The following THEMIS variants were observed in gnomAD, a reference collection of about 807,000 sequenced individuals.
THEMIS encodes the protein thymocyte selection associated.
THEMIS carries 37 observed loss-of-function variants against 52.6 expected under a neutral mutation model. The ratio of observed to expected loss-of-function variants is 0.70; its 90% CI spans 0.54 to 0.93. The LOEUF is 0.93. Ranked by LOEUF, THEMIS falls within the 40% of genes least tolerant of loss-of-function variation. THEMIS has a pLI of 0.00. For missense variants in THEMIS, 808 were observed against 763.1 expected (o/e 1.06, Z -0.69); for synonymous variants, 292 against 272.7 (o/e 1.07, Z -0.70).
At chr6:127,838,888 G>A (rs1778955924) in intron 2 of THEMIS, among the ~76,000 whole-genome samples, 2 of 152,020 alleles carry the variant, frequency 1.3e-5, no homozygotes, top group South Asian at 4.1e-4. Flanking sequence ...TTGCTGTGAC[G>A]CTTCTATAAC....
intron 4 of THEMIS, among the ~76,000 whole-genome samples, chr6:127,756,822 G>A (rs892139862): frequency 6.6e-6 from 1 of 151,736 alleles, no homozygotes. Context: ...AATTAATCTG[G>A]GATTGTTTTT....
intron 4 of THEMIS, among the ~76,000 whole-genome samples, chr6:127,724,744 G>C (rs182537684): frequency 3.3e-5 from 5 of 151,928 alleles, no homozygotes; most frequent in African/African-American, 2.4e-5. Context: ...TAATGTTCCT[G>C]CTAAAGGTAA....
intron 1 of THEMIS, among the ~76,000 whole-genome samples, chr6:127,881,201 A>G (rs1030411469): frequency 1.2e-4 from 18 of 152,116 alleles, no homozygotes; most frequent in African/African-American, 4.3e-4. Flanking sequence ...CCATAAAACT[A>G]CTAATCTTAA....
rs1441762110 is a variant in THEMIS, at chr6:127,813,635, T to C, written c.1006A>G (p.Thr336Ala). The C allele has an allele frequency of 6.2e-7, 1 of 1,614,084 alleles. No individual in the cohort carries two copies. The highest frequency in any genetic ancestry group is 8.5e-7 in the Non-Finnish European group (1 of 1,179,992). The change falls in exon 4 of 6, where the codon ACT (threonine) becomes GCT (alanine). Residue 336 changes from threonine to alanine, a missense_variant. By Grantham distance (58) the Thr-to-Ala change is moderately conservative. Transcript: ENST00000368248. ...CGCTTGAACTTGCCTTTATAGCTAG[T>C]GGGGATCAAGAAGTGTCTTTTAGGA... ...NFPKRHFLIP[T>A]SYKGKFKRRP...
Position 127,730,303 on chromosome 6 carries a change from AAAGAAAAGAAAAGAG to A in THEMIS, c.1759-10495_1759-10481del, listed in dbSNP as rs1397747411. Among the ~76,000 whole-genome samples the A allele has an allele frequency of 3.2e-4, 46 of 144,730 alleles. 2 individuals are homozygous for A. The East Asian group carries it at 4.7e-3, about 15-fold the overall frequency. 94.9% of individuals were successfully genotyped at this position (144,730 alleles called of 152,430 possible). A position where few individuals can be genotyped will look rare whatever the true frequency, so the allele number is the denominator to read the frequency against. Reference sequence around the variant, plus strand: ...AAAGAAAAGAAAAGAAAAGAAAAGAAAAGAAAAGAAAAGAGAAAAAAAGAAAAGAAAAGAAAAGAA... The same window carrying A: ...AAAGAAAAGAAAAGAAAAGAAAAGAAAAAAAAAGAAAAGAAAAGAAAAGAA... On this transcript the variant is annotated intron_variant, in intron 4 of 5. Transcript: ENST00000368248.
At chr6:127,793,315 G>C (rs1214791351) in intron 4 of THEMIS, among the ~76,000 whole-genome samples, 1 of 152,186 alleles carries the variant, frequency 6.6e-6, no homozygotes, top group Non-Finnish European at 1.5e-5. Context: ...TAAAAAGCTG[G>C]TGGGGAACCT....
chr6:127,908,994 A>G (rs1781345839), intron 1 of THEMIS, among the ~76,000 whole-genome samples: 1 of 151,876 alleles, frequency 6.6e-6, no homozygotes, highest in Non-Finnish European at 1.5e-5. Context: ...CCAATTGCTT[A>G]CAAAAAATCA....
chr6:127,735,323 G>A (rs1353212015), intron 4 of THEMIS, among the ~76,000 whole-genome samples: 1 of 151,872 alleles, frequency 6.6e-6, no homozygotes, highest in African/African-American at 2.4e-5. Flanking sequence ...GTGTGCGTGT[G>A]TGTGTGTGTG....
intron 3 of THEMIS, among the ~76,000 whole-genome samples, chr6:127,817,336 GA>G (rs1013383699): frequency 7.9e-5 from 12 of 151,722 alleles, no homozygotes; most frequent in Admixed American, 4.6e-4. Flanking sequence ...AATTTCACTG[GA>G]AAAAAAAGTT....
chr6:127,886,483 G>A (rs996404986), intron 1 of THEMIS, among the ~76,000 whole-genome samples: 2 of 152,064 alleles, frequency 1.3e-5, no homozygotes, highest in African/African-American at 4.8e-5. Context: ...GGAACATTGG[G>A]CCATACCAGA....
intron 2 of THEMIS, among the ~76,000 whole-genome samples, chr6:127,848,257 T>C (rs1779291674): frequency 6.6e-6 from 1 of 151,942 alleles, no homozygotes; most frequent in Non-Finnish European, 1.5e-5. Context: ...CATGAACTCA[T>C]CATTTTTTAT....
chr6:127,841,959 G>C (rs1049466837), intron 2 of THEMIS, among the ~76,000 whole-genome samples: 1 of 151,914 alleles, frequency 6.6e-6, no homozygotes, highest in Non-Finnish European at 1.5e-5. Context: ...TGATTCCTTG[G>C]ATAGCGAATT....
intron 3 of THEMIS, among the ~76,000 whole-genome samples, chr6:127,824,501 A>C (rs1023209009): frequency 1.3e-5 from 2 of 152,082 alleles, no homozygotes; most frequent in African/African-American, 4.8e-5. Context: ...TTACTTGTAC[A>C]TTTTTGTTTC....
chr6:127,866,738 A>G (rs1333767285), intron 1 of THEMIS, among the ~76,000 whole-genome samples: 2 of 151,872 alleles, frequency 1.3e-5, no homozygotes, highest in African/African-American at 4.8e-5. Flanking sequence ...TATCCATTTC[A>G]GAGCACAAAA....
downstream of THEMIS, among the ~76,000 whole-genome samples, chr6:127,703,249 G>A (rs1012556634): frequency 9.9e-5 from 15 of 151,204 alleles, no homozygotes; most frequent in East Asian, 3.9e-4. Context: ...GGGTTTCACC[G>A]TTTTAGCCGG....
chr6:127,892,657 C>CT (rs1342734530), intron 1 of THEMIS, among the ~76,000 whole-genome samples: 1 of 151,962 alleles, frequency 6.6e-6, no homozygotes, highest in African/African-American at 2.4e-5. Flanking sequence ...CATTATTTTG[C>CT]TTTTTGTAAT....
chr6:127,809,273 C>T (rs1777820855), intron 4 of THEMIS, among the ~76,000 whole-genome samples: 1 of 151,962 alleles, frequency 6.6e-6, no homozygotes, highest in African/African-American at 2.4e-5. Context: ...TTCAAAAGCA[C>T]ACATGATAGA....
At chr6:127,749,582 C>T (rs936197667) in intron 4 of THEMIS, among the ~76,000 whole-genome samples, 1 of 151,972 alleles carries the variant, frequency 6.6e-6, no homozygotes, top group Non-Finnish European at 1.5e-5. Context: ...AGTAAACTTA[C>T]AGGTAAGTCT....
intron 4 of THEMIS, among the ~76,000 whole-genome samples, chr6:127,794,467 G>T (rs958229831): frequency 1.3e-5 from 2 of 152,020 alleles, no homozygotes; most frequent in Admixed American, 6.6e-5. Context: ...AGTTTCAGTC[G>T]CAATATTTCA....
Sources: gnomAD v4.1 joint callset for allele counts (sites outside exome capture counted in the v4.1 genomes callset) on GRCh38, gnomAD v4.1.1 for gene constraint, MANE v1.5 for transcripts, NCBI Gene and HGNC (gene_info 2026-07-23, HGNC 2026-07-21) for gene names.